Variants in ARRB1 observed in about 807,000 individuals in gnomAD.
ARRB1 encodes beta-arrestin-1.
In ARRB1, 21 loss-of-function variants were observed where a neutral mutation model predicts 56.8. The observed-to-expected ratio is 0.37, with a 90% CI of 0.26 to 0.53. The LOEUF is 0.53. Ranked by LOEUF, ARRB1 falls within the 20% of genes least tolerant of loss-of-function variation. The pLI, the probability that ARRB1 is intolerant of heterozygous loss-of-function variation, is 0.88. For missense variants in ARRB1, 424 were observed against 553.7 expected (o/e 0.77, Z 2.35); for synonymous variants, 210 against 218.6 (o/e 0.96, Z 0.35).
At chr11:75,278,587 C>T in intron 8 of ARRB1, 22 bp downstream of exon 8, 1 of 1,613,752 alleles carries the variant, frequency 6.2e-7, no homozygotes. Context: ...CCCCCACCCC[C>T]TGCCAAGTCC....
intron 10 of ARRB1, 128 bp downstream of exon 10, chr11:75,276,711 C>T: frequency 2.4e-6 from 2 of 817,632 alleles, no homozygotes; most frequent in Non-Finnish European, 2.0e-6. Context: ...CTCTGAGTGG[C>T]AAGGAAGTCT....
chr11:75,294,787 C>T (rs906249319), intron 1 of ARRB1, among the ~76,000 whole-genome samples: 1 of 152,020 alleles, frequency 6.6e-6, no homozygotes, highest in African/African-American at 2.4e-5. Context: ...GTCCATGTGG[C>T]TTGCTCTGGC....
chr11:75,321,701 T>G (rs1484568525), intron 1 of ARRB1, among the ~76,000 whole-genome samples: 1 of 152,030 alleles, frequency 6.6e-6, no homozygotes, highest in Non-Finnish European at 1.5e-5. Flanking sequence ...ATGATAGCAG[T>G]GCCCACCCCA....
At chr11:75,311,014 T>C (rs520563) in intron 1 of ARRB1, among the ~76,000 whole-genome samples, 67,552 of 151,980 alleles carry the variant, frequency 0.44, 15,695 homozygotes, top group East Asian at 0.6. Flanking sequence ...ATACCCAGCC[T>C]ACCAAAGGCA....
At chr11:75,345,079 CT>C (rs895711518) in intron 1 of ARRB1, among the ~76,000 whole-genome samples, 4 of 152,192 alleles carry the variant, frequency 2.6e-5, no homozygotes, top group Non-Finnish European at 5.9e-5. Context: ...CAACTGTGGC[CT>C]CAGCCAGGTG....
chr11:75,332,382 C>G (rs866514593), intron 1 of ARRB1, among the ~76,000 whole-genome samples: 1 of 152,156 alleles, frequency 6.6e-6, no homozygotes. Context: ...TCTTTTTCTT[C>G]GAGGCCCTCC....
At chr11:75,300,837 G>A (rs903946661) in intron 1 of ARRB1, among the ~76,000 whole-genome samples, 1 of 151,008 alleles carries the variant, frequency 6.6e-6, no homozygotes, top group Non-Finnish European at 1.5e-5. Context: ...GCGTGGTGGC[G>A]GGCGCCTGTA....
In ARRB1 at chr11:75,343,609, T is replaced by A. The variant is rs540095319; in HGVS notation, c.20+7979A>T. On this transcript the variant is annotated intron_variant, in intron 1 of 15. Transcript: ENST00000420843. ...AAGGGAGCCACAGCAGAGAAAGGGT[T>A]AAGTAATCAGGGAAGCCACCCAGCT... Among the ~76,000 whole-genome samples the A allele has an allele frequency of 1.1e-4, 17 of 152,246 alleles. No homozygotes were observed. In the South Asian group the frequency reaches 1.2e-3, roughly 11 times the overall value.
chr11:75,283,548 C>T (rs1050287173), intron 4 of ARRB1, 65 bp from the exon 5 acceptor site: 7 of 1,470,734 alleles, frequency 4.8e-6, no homozygotes, highest in East Asian at 2.4e-5. Context: ...CCCAGAGTGC[C>T]GGCAGCAGCC....
rs774428234 is a variant in ARRB1 at position 75,283,479 on chromosome 11, A to G, written c.162T>C (p.Tyr54=). Residue 54 remains tyrosine, a synonymous_variant, in exon 5 of 16, where the codon TAT becomes TAC. Transcript: ENST00000420843. ...AGCGGAAGGCGCAGGTCAGCGTCAC[A>G]TAGACTGTGGGGAGCGAGGAGCACT... ...DPEYLKERRV[Y]VTLTCAFRYG... 6.2e-7 allele frequency: 1 copy of G among 1,608,428 alleles called. No homozygotes were observed. The highest frequency in any genetic ancestry group is 1.7e-5 in the Admixed American group (1 of 59,588).
Position 75,307,250 on chromosome 11 carries a change from G to A in ARRB1, c.21-17211C>T, listed in dbSNP as rs574577966. Among the ~76,000 whole-genome samples, 21 of 152,194 alleles carry A rather than the reference G, an allele frequency of 1.4e-4. 1 individual carries two copies. The highest frequency in any genetic ancestry group is 2.9e-4 in the Non-Finnish European group (20 of 68,026). The stretch of plus-strand genomic sequence containing the variant: ...GAATCAGGGAGCGGAAGGGGTCAAA[G>A]TGAAGGGGTCAAAGGTGAAGGCCAT... On this transcript the variant is annotated intron_variant, in intron 1 of 15. Transcript: ENST00000420843.
At chr11:75,282,886 G>A (rs1591913748) in intron 5 of ARRB1, among the ~76,000 whole-genome samples, 1 of 152,344 alleles carries the variant, frequency 6.6e-6, no homozygotes, top group Non-Finnish European at 1.5e-5. Context: ...GAAAGGTGGT[G>A]GGGCAGACAG....
At chr11:75,271,132 A>G (rs1946066994) in intron 13 of ARRB1, 1 of 152,246 alleles carries the variant, frequency 6.6e-6, no homozygotes, top group African/African-American at 2.4e-5. Flanking sequence ...GCTGAATGAT[A>G]TGGAACTGAA....
At chr11:75,346,848 T>A (rs776084138) in intron 1 of ARRB1, among the ~76,000 whole-genome samples, 4 of 152,206 alleles carry the variant, frequency 2.6e-5, no homozygotes, top group Non-Finnish European at 5.9e-5. Context: ...CCTCGCACCT[T>A]GATTCTTACC....
At chr11:75,302,285 C>T (rs764789026) in intron 1 of ARRB1, among the ~76,000 whole-genome samples, 1 of 152,178 alleles carries the variant, frequency 6.6e-6, no homozygotes, top group Non-Finnish European at 1.5e-5. Context: ...AGCCTCCTGC[C>T]GCATTCACGG....
intron 1 of ARRB1, among the ~76,000 whole-genome samples, chr11:75,300,263 G>A (rs1946869327): frequency 6.6e-6 from 1 of 151,728 alleles, no homozygotes; most frequent in Admixed American, 6.6e-5. Context: ...GGTTATCCAG[G>A]AGAGAAACCA....
rs1945877606 is a variant in ARRB1 at position 75,264,972 on chromosome 11, T to C, written c.*1191A>G. On this transcript the variant is annotated 3_prime_UTR_variant, in exon 16 of 16. Coordinates refer to ENST00000420843, the MANE Select transcript of ARRB1 (RefSeq NM_004041.5). ...GGGTACCCATGACACTGGGAGCTAT[T>C]GGAGGTCATCAACTCACCAAGAAAA... The C allele has an allele frequency of 6.6e-6, 1 of 152,130 alleles. No individual in the cohort carries two copies. The highest frequency in any genetic ancestry group is 2.4e-5 in the African/African-American group (1 of 41,440). 9.4% of individuals were successfully genotyped at this position (152,130 alleles called of 1,614,324 possible).
chr11:75,321,316 A>G (rs1947347119), intron 1 of ARRB1, among the ~76,000 whole-genome samples: 1 of 121,776 alleles, frequency 8.2e-6, no homozygotes, highest in African/African-American at 3.1e-5. Flanking sequence ...CTATTATGGC[A>G]GAGTGAGCCT....
At chr11:75,280,726 G>C (rs1946315131) in intron 7 of ARRB1, among the ~76,000 whole-genome samples, 1 of 152,224 alleles carries the variant, frequency 6.6e-6, no homozygotes, top group African/African-American at 2.4e-5. Context: ...AGAATGGTCA[G>C]GAAACAGCCT....
Sources: allele counts gnomAD v4.1 joint callset (sites outside exome capture counted in the v4.1 genomes callset), GRCh38; gene constraint gnomAD v4.1.1; transcripts MANE v1.5; gene names NCBI Gene and HGNC (gene_info 2026-07-23, HGNC 2026-07-21).